The following MUC12 variants were observed in gnomAD, a reference collection of about 807,000 sequenced individuals.
The protein encoded by MUC12 is mucin 12, cell surface associated, also known as mucin-12.
Under a neutral mutation model 230.8 loss-of-function variants are expected in MUC12, and 172 were observed. The observed-to-expected ratio is 0.75, with a 90% CI of 0.66 to 0.85. The LOEUF (loss-of-function observed/expected upper bound fraction) is 0.85, where lower values mean the gene tolerates loss of function less well. Among genes scored for constraint, MUC12 ranks in the 40% least tolerant of loss-of-function variants. The probability of loss-of-function intolerance (pLI) is 0.00; values close to 1 mark genes in which losing one functional copy is unlikely to be tolerated. For missense variants in MUC12, 3,506 were observed against 5,920.6 expected, an observed-to-expected ratio of 0.59 and a Z score of 13.38; for synonymous variants, 1,259 against 2,401.9, an observed-to-expected ratio of 0.52 and a Z score of 13.91.
At position 100,991,027 on chromosome 7, in the gene MUC12, G is replaced by A. The variant is rs377755999; in HGVS notation, c.464G>A (p.Arg155His). 29 of 1,537,632 alleles carry A rather than the reference G, an allele frequency of 1.9e-5. No individual in the cohort carries two copies. The highest frequency in any genetic ancestry group is 1.6e-4 in the Admixed American group (8 of 50,958). ...CCAGACAGAACACTCTCACCTGCCC[G>A]CACGACAAGCTCAGGCGTCAGTGAA... ...RSPDRTLSPA[R>H]TTSSGVSEKS... The change falls in exon 2 of 12, where the codon CGC becomes CAC. Residue 155 changes from arginine (R) to histidine (H), a missense_variant. Coordinates refer to ENST00000536621, the MANE Select transcript of MUC12 (RefSeq NM_001164462.2).
rs531041240 is a variant in MUC12 at position 101,016,561 on chromosome 7, C to T, written c.15877+870C>T. On this transcript the variant is annotated intron_variant, in intron 10 of 11. Coordinates refer to ENST00000536621, the MANE Select transcript of MUC12 (RefSeq NM_001164462.2). ...AACTCCAGACCTTAGGTGATCCGCC[C>T]GCCTTGGCCTCCCAAAGTGCTGGGA... Among the ~76,000 whole-genome samples the T allele has an allele frequency of 2.6e-5, 4 of 152,280 alleles. No homozygotes were observed. In the South Asian group the frequency reaches 6.2e-4, roughly 24 times the overall value.
In MUC12 at chr7:100,990,823, G is replaced by A. The variant is rs544357946; in HGVS notation, c.260G>A (p.Gly87Asp). Reference protein sequence around the residue: ...HSEESTVSHSGPGATGTTLFP... With the variant: ...HSEESTVSHSDPGATGTTLFP... Reference sequence around the variant, plus strand: ...GAGGAATCAACAGTATCCCACAGCGGCCCAGGTGCAACTGGAACAACACTC... The same window carrying A: ...GAGGAATCAACAGTATCCCACAGCGACCCAGGTGCAACTGGAACAACACTC... Residue 87 changes from glycine to aspartate, a missense_variant, in exon 2 of 12, where the codon GGC becomes GAC. Transcript: ENST00000536621. 2 of 1,537,706 alleles carry A rather than the reference G, an allele frequency of 1.3e-6. No individual in the cohort carries two copies. Among genetic ancestry groups the A allele is most frequent in the Admixed American group, 2.0e-5 (1 of 50,994 alleles).
rs1793347207 is a variant in MUC12, at chr7:100,992,502, C to A, written c.1939C>A (p.Pro647Thr). The change falls in exon 2 of 12, where the codon CCT (proline) becomes ACT (threonine). Residue 647 changes from proline (P) to threonine (T), a missense_variant. Transcript: ENST00000536621. The part of the protein sequence containing the change: ...WPSSKDTRPA[P>T]PTTTSAFVEP... The stretch of plus-strand genomic sequence containing the variant: ...AAGCTCAAAGGACACTAGGCCTGCA[C>A]CTCCTACTACCACATCAGCCTTTGT... The A allele has an allele frequency of 1.3e-6, 2 of 1,537,828 alleles. No individual in the cohort carries two copies. The highest frequency in any genetic ancestry group is 1.4e-5 in the African/African-American group (1 of 73,054).
chr7:101,002,937 C>A lies in MUC12; in HGVS notation c.12374C>A (p.Thr4125Asn), dbSNP rs1313309668. 22 of 1,264,282 alleles carry A rather than the reference C, an allele frequency of 1.7e-5. 1 individual carries two copies. Among genetic ancestry groups the A allele is most frequent in the Admixed American group, 2.2e-5 (1 of 46,096 alleles). 78.3% of individuals were successfully genotyped at this position (1,264,282 alleles called of 1,614,324 possible). ...ACACACTTTTCTGCCAGTTCCACAA[C>A]CTTGGGCCGTAGTGAGGAATCAACA... ...PTTHFSASST[T>N]LGRSEESTTV... The change falls in exon 2 of 12, where the codon ACC becomes AAC. Residue 4125 changes from threonine to asparagine, a missense_variant. Physicochemically the swap from Thr to Asn is moderately conservative, Grantham distance 65 (BLOSUM62 0). Transcript: ENST00000536621.
At position 100,995,873 on chromosome 7, in the gene MUC12, G is replaced by A. The variant is rs879228648; in HGVS notation, c.5310G>A (p.Thr1770=). 78 of 1,427,574 alleles carry A rather than the reference G, an allele frequency of 5.5e-5. No homozygotes were observed. The highest frequency in any genetic ancestry group is 7.0e-5 in the Non-Finnish European group (75 of 1,066,194). 88.4% of individuals were successfully genotyped at this position (1,427,574 alleles called of 1,614,324 possible). A position where few individuals can be genotyped will look rare whatever the true frequency, so the allele number is the denominator to read the frequency against. Residue 1770 remains threonine (T), a synonymous_variant, in exon 2 of 12, where the codon ACG becomes ACA. Transcript: ENST00000536621. The part of the protein sequence containing the change: ...STTSGLVEES[T]AYHSSPGSTQ... Reference sequence around the variant, plus strand: ...CCTCAGGCCTCGTTGAAGAATCTACGGCGTACCACAGCAGCCCGGGCTCAA... The same window carrying A: ...CCTCAGGCCTCGTTGAAGAATCTACAGCGTACCACAGCAGCCCGGGCTCAA...
intron 8 of MUC12, 67 bp from the exon 9 acceptor site, chr7:101,013,846 G>T (rs1316646768): frequency 1.0e-5 from 15 of 1,467,806 alleles, no homozygotes; most frequent in Non-Finnish European, 1.4e-5. Flanking sequence ...AGGAGAGTGG[G>T]TTAACCCTTG....
At chr7:101,014,166 C>T (rs1793881064) in intron 9 of MUC12, 92 bp downstream of exon 9, 1 of 1,373,122 alleles carries the variant, frequency 7.3e-7, no homozygotes, top group South Asian at 1.6e-5. Context: ...CTGCTCCTTC[C>T]AGGCCAGCAA....
intron 1 of MUC12, chr7:100,981,582 G>C (rs955878214): frequency 2.3e-6 from 1 of 440,328 alleles, no homozygotes; most frequent in African/African-American, 2.0e-5. Context: ...ATGGGGATTC[G>C]GTCACTTAGA....
Position 101,005,103 on chromosome 7 carries a change from G to A in MUC12, c.14540G>A (p.Ser4847Asn). Residue 4847 changes from serine (S) to asparagine (N), a missense_variant, in exon 2 of 12, where the codon AGT becomes AAT. Coordinates refer to ENST00000536621, the MANE Select transcript of MUC12 (RefSeq NM_001164462.2). ...SPASTTVPGL[S>N]EESTTFYSSP... The stretch of plus-strand genomic sequence containing the variant: ...GCCAGCACCACAGTGCCAGGCCTTA[G>A]TGAGGAATCTACCACCTTCTACAGC... The A allele has an allele frequency of 6.5e-7, 1 of 1,537,862 alleles. No homozygotes were observed. The highest frequency in any genetic ancestry group is 1.4e-5 in the African/African-American group (1 of 73,134).
At chr7:101,015,216 C>A in intron 9 of MUC12, 1 of 224,952 alleles carries the variant, frequency 4.4e-6, no homozygotes, top group Non-Finnish European at 8.9e-6. Context: ...CCACAGAGCA[C>A]AGCACCACAT....
chr7:101,007,688 T>C (rs1302234339), intron 3 of MUC12, among the ~76,000 whole-genome samples: 1 of 152,248 alleles, frequency 6.6e-6, no homozygotes, highest in African/African-American at 2.4e-5. Flanking sequence ...GTCTTGGCTA[T>C]TGTGAACAGC....
rs879151885 is a variant in MUC12, at chr7:100,991,175, C to A, written c.612C>A (p.Asp204Glu). The change falls in exon 2 of 12, where the codon GAC (aspartate) becomes GAA (glutamate). Residue 204 changes from aspartate (D) to glutamate (E), a missense_variant. Asp to Glu is a conservative substitution (Grantham distance 45). Transcript: ENST00000536621. ...CCCACAGCATCCCCGGCTCCACAGA[C>A]ACAACACTGTCCCCTGGCACTACCA... ...TASHSIPGST[D>E]TTLSPGTTTP... 1 of 1,537,610 alleles carries A rather than the reference C, an allele frequency of 6.5e-7. No individual in the cohort carries two copies. The highest frequency in any genetic ancestry group is 8.7e-7 in the Non-Finnish European group (1 of 1,146,866).
chr7:100,984,291 G>A (rs1265529423), intron 1 of MUC12, among the ~76,000 whole-genome samples: 1 of 146,390 alleles, frequency 6.8e-6, no homozygotes, highest in African/African-American at 2.5e-5. Context: ...GAGTCTCGCT[G>A]TGTCACCCAG....
chr7:101,015,254 C>T (rs995949250), intron 9 of MUC12: 9 of 254,620 alleles, frequency 3.5e-5, no homozygotes, highest in South Asian at 6.1e-5. Context: ...GCGTCTGGGT[C>T]TCACTTTTCC....
In MUC12 at chr7:100,990,718, A is replaced by G. The variant is rs1793267576; in HGVS notation, c.155A>G (p.Tyr52Cys). Reference protein sequence around the residue: ...SSDPFTTFSDYGVSVTFITGS... With the variant: ...SSDPFTTFSDCGVSVTFITGS... ...GACCCTTTTACCACCTTTAGTGACTATGGGGTGTCAGTCACATTTATCACG... is the reference window on the plus strand; with the variant it reads ...GACCCTTTTACCACCTTTAGTGACTGTGGGGTGTCAGTCACATTTATCACG... The change falls in exon 2 of 12, where the codon TAT (tyrosine) becomes TGT (cysteine). Residue 52 changes from tyrosine to cysteine, a missense_variant. Physicochemically the swap from Tyr to Cys is radical, Grantham distance 194. Transcript: ENST00000536621. The G allele has an allele frequency of 2.6e-6, 4 of 1,537,782 alleles. No individual in the cohort carries two copies. The highest frequency in any genetic ancestry group is 3.5e-6 in the Non-Finnish European group (4 of 1,147,060).
Position 101,018,673 on chromosome 7 carries a change from C to T in MUC12, c.*37C>T, listed in dbSNP as rs1181213897. ...CCTCCCACCCTCATCTAGCTCTGTT[C>T]AGGAGAGCTGCAAACACAGAGCCCA... On this transcript the variant is annotated 3_prime_UTR_variant, in exon 12 of 12. Coordinates refer to ENST00000536621, the MANE Select transcript of MUC12 (RefSeq NM_001164462.2). The T allele has an allele frequency of 2.0e-6, 3 of 1,523,384 alleles. No individual in the cohort carries two copies. The highest frequency in any genetic ancestry group is 2.5e-5 in the East Asian group (1 of 40,194). 94.4% of individuals were successfully genotyped at this position (1,523,384 alleles called of 1,614,324 possible). A position where few individuals can be genotyped will look rare whatever the true frequency, so the allele number is the denominator to read the frequency against.
At position 100,995,342 on chromosome 7, in the gene MUC12, C is replaced by T. The variant is rs1186177664; in HGVS notation, c.4779C>T (p.Gly1593=). ...PGSTHTTAFP[G]STTMPGVSQE... ...CAACGCACACAACAGCATTCCCTGG[C>T]AGTACCACCATGCCAGGCGTCAGTC... The change falls in exon 2 of 12, where the codon GGC becomes GGT. Residue 1593 remains glycine (G), a synonymous_variant. Coordinates refer to ENST00000536621, the MANE Select transcript of MUC12 (RefSeq NM_001164462.2). The T allele has an allele frequency of 1.8e-5, 28 of 1,533,298 alleles. No individual in the cohort carries two copies. The highest frequency in any genetic ancestry group is 2.4e-5 in the Non-Finnish European group (27 of 1,145,726). 95.0% of individuals were successfully genotyped at this position (1,533,298 alleles called of 1,614,324 possible). A position where few individuals can be genotyped will look rare whatever the true frequency, so the allele number is the denominator to read the frequency against.
At chr7:100,983,867 G>A (rs1793146285) in intron 1 of MUC12, among the ~76,000 whole-genome samples, 1 of 152,130 alleles carries the variant, frequency 6.6e-6, no homozygotes, top group Non-Finnish European at 1.5e-5. Context: ...AAATTTATGA[G>A]TAAACCCAAG....
intron 1 of MUC12, among the ~76,000 whole-genome samples, chr7:100,989,829 T>C (rs1463078734): frequency 6.6e-6 from 1 of 152,120 alleles, no homozygotes. Context: ...TAGATGGGAT[T>C]ACAGGTGTAC....
Sources: gnomAD v4.1 joint callset for allele counts (sites outside exome capture counted in the v4.1 genomes callset) on GRCh38, gnomAD v4.1.1 for gene constraint, MANE v1.5 for transcripts, NCBI Gene and HGNC (gene_info 2026-07-23, HGNC 2026-07-21) for gene names.